MINDY3: variants seen among roughly 807,000 people sequenced by gnomAD.
The protein encoded by MINDY3 is ubiquitin carboxyl-terminal hydrolase MINDY-3.
In MINDY3, 38 loss-of-function variants were observed where a neutral mutation model predicts 69.2. The observed-to-expected ratio is 0.55, with a 90% CI of 0.42 to 0.72. The LOEUF (loss-of-function observed/expected upper bound fraction) is 0.72. Among genes scored for constraint, MINDY3 ranks in the 30% least tolerant of loss-of-function variants. The pLI is 0.00. For missense variants in MINDY3, 522 were observed against 519.0 expected, an observed-to-expected ratio of 1.01 and a Z score of -0.06; for synonymous variants, 192 against 180.1, an observed-to-expected ratio of 1.07 and a Z score of -0.53.
chr10:15,779,713 C>T (rs1216655007), intron 14 of MINDY3, among the ~76,000 whole-genome samples: 1 of 151,832 alleles, frequency 6.6e-6, no homozygotes, highest in African/African-American at 2.4e-5. Flanking sequence ...GCATTCTGTA[C>T]AGCATGAAAA....
rs1427523825 is a variant in MINDY3, at chr10:15,842,821, T to C, written c.235+391A>G. On this transcript the variant is annotated intron_variant, in intron 3 of 14. Coordinates refer to ENST00000277632, the MANE Select transcript of MINDY3 (RefSeq NM_024948.4). ...ATTTCATCCAAAATTATTTGCAGTA[T>C]TTGCATTGTGTAAGGCATTATACTA... Among the ~76,000 whole-genome samples the C allele has an allele frequency of 2.6e-5, 4 of 151,544 alleles. No individual in the cohort carries two copies. The East Asian group carries it at 7.7e-4, about 29-fold the overall frequency.
intron 8 of MINDY3, among the ~76,000 whole-genome samples, chr10:15,823,405 T>A (rs1457410171): frequency 6.6e-6 from 1 of 152,308 alleles, no homozygotes; most frequent in African/African-American, 2.4e-5. Context: ...TGATCTGTTA[T>A]ATTGTATCAG....
chr10:15,801,676 A>G (rs555438996), intron 10 of MINDY3, among the ~76,000 whole-genome samples: 1 of 152,204 alleles, frequency 6.6e-6, no homozygotes, highest in South Asian at 2.1e-4. Context: ...TATTAAAGAG[A>G]ACCGCAACAG....
chr10:15,837,399 T>C (rs1833163659), intron 5 of MINDY3, 81 bp from the exon 6 acceptor site: 10 of 1,262,450 alleles, frequency 7.9e-6, no homozygotes, highest in Non-Finnish European at 1.1e-6. Flanking sequence ...TAAATTTTCT[T>C]ATACATTAAA....
chr10:15,816,539 T>C lies in MINDY3; in HGVS notation c.882+296A>G, dbSNP rs536643010. Among the ~76,000 whole-genome samples, 26 of 152,004 alleles carry C rather than the reference T, an allele frequency of 1.7e-4. No individual in the cohort carries two copies. In the South Asian group the frequency reaches 3.9e-3, roughly 23 times the overall value. On this transcript the variant is annotated intron_variant, in intron 10 of 14. Coordinates refer to ENST00000277632, the MANE Select transcript of MINDY3 (RefSeq NM_024948.4). ...ACTTACAAAAAAAGCAATCTAAAAC[T>C]TTAAAATTCAATTGTTTTCTCTATA... is the stretch of plus-strand genomic sequence containing the variant.
chr10:15,848,527 G>T (rs747704806), intron 1 of MINDY3, among the ~76,000 whole-genome samples: 1 of 150,960 alleles, frequency 6.6e-6, no homozygotes, highest in Non-Finnish European at 1.5e-5. Flanking sequence ...CCAGCTACTC[G>T]GGAGGCTGAG....
intron 9 of MINDY3, among the ~76,000 whole-genome samples, chr10:15,820,182 C>G (rs531170499): frequency 1.4e-4 from 22 of 152,248 alleles, no homozygotes; most frequent in South Asian, 6.2e-4. Context: ...CTCTGAGGTA[C>G]GATCTGCAGT....
chr10:15,832,636 C>T (rs899795884), intron 8 of MINDY3, among the ~76,000 whole-genome samples: 1 of 152,138 alleles, frequency 6.6e-6, no homozygotes, highest in African/African-American at 2.4e-5. Context: ...AACCTCACCA[C>T]TAAGTAAATA....
At chr10:15,849,114 G>T (rs937123722) in intron 1 of MINDY3, among the ~76,000 whole-genome samples, 3 of 152,196 alleles carry the variant, frequency 2.0e-5, no homozygotes, top group Non-Finnish European at 4.4e-5. Flanking sequence ...AGAATGCAGA[G>T]TATTGTGGAT....
intron 14 of MINDY3, among the ~76,000 whole-genome samples, chr10:15,779,795 T>TA (rs747984425): frequency 5.9e-5 from 9 of 152,188 alleles, no homozygotes; most frequent in East Asian, 3.8e-4. Flanking sequence ...AAGATCAAAC[T>TA]AACCAGATAC....
intron 2 of MINDY3, 143 bp downstream of exon 2, chr10:15,847,721 T>C: frequency 1.9e-6 from 1 of 524,882 alleles, no homozygotes; most frequent in Non-Finnish European, 3.5e-6. Flanking sequence ...TTTTGGATAT[T>C]TATTGTAATT....
intron 8 of MINDY3, among the ~76,000 whole-genome samples, chr10:15,826,013 C>A (rs10904631): frequency 0.16 from 23,589 of 151,846 alleles, 2,309 homozygotes; most frequent in South Asian, 0.25. Flanking sequence ...AAATAATGTA[C>A]AAATACTGAA....
chr10:15,829,343 A>T (rs116299588), intron 8 of MINDY3, among the ~76,000 whole-genome samples: 1 of 152,140 alleles, frequency 6.6e-6, no homozygotes, highest in Non-Finnish European at 1.5e-5. Flanking sequence ...TGACTACACA[A>T]TATCACTTGC....
In MINDY3 at chr10:15,778,505, T is replaced by C. The variant is rs1026336188; in HGVS notation, c.*487A>G. The C allele has an allele frequency of 6.6e-6, 1 of 152,458 alleles. No individual in the cohort carries two copies. The highest frequency in any genetic ancestry group is 1.5e-5 in the Non-Finnish European group (1 of 68,234). 9.4% of individuals were successfully genotyped at this position (152,458 alleles called of 1,614,324 possible). A position where few individuals can be genotyped will look rare whatever the true frequency, so the allele number is the denominator to read the frequency against. On this transcript the variant is annotated 3_prime_UTR_variant, in exon 15 of 15. Transcript: ENST00000277632. Reference sequence around the variant, plus strand: ...ATTGTCAAAGGATCCAGGTTGACAATGTGTTATTTGTCAATATTTCTAATG... The same window carrying C: ...ATTGTCAAAGGATCCAGGTTGACAACGTGTTATTTGTCAATATTTCTAATG...
intron 1 of MINDY3, among the ~76,000 whole-genome samples, chr10:15,851,629 A>G (rs1834306325): frequency 6.6e-6 from 1 of 151,982 alleles, no homozygotes; most frequent in African/African-American, 2.4e-5. Flanking sequence ...TCCCATCTCC[A>G]GTCCACCCTA....
chr10:15,834,777 T>C (rs1046090967), intron 6 of MINDY3, among the ~76,000 whole-genome samples, 161 bp from the exon 7 acceptor site: 9 of 152,116 alleles, frequency 5.9e-5, no homozygotes, highest in Non-Finnish European at 8.8e-5. Context: ...TGAGATAACT[T>C]TAAAAAATAG....
intron 1 of MINDY3, among the ~76,000 whole-genome samples, chr10:15,858,914 T>C (rs1368827533): frequency 6.6e-6 from 1 of 152,052 alleles, no homozygotes; most frequent in Non-Finnish European, 1.5e-5. Flanking sequence ...CAAGATTAGG[T>C]AACTGACATA....
intron 10 of MINDY3, among the ~76,000 whole-genome samples, chr10:15,812,588 C>A (rs866613055): frequency 3.9e-5 from 6 of 152,290 alleles, no homozygotes; most frequent in African/African-American, 1.2e-4. Context: ...TAAGCAGTTT[C>A]TACGTGGTGC....
intron 1 of MINDY3, among the ~76,000 whole-genome samples, chr10:15,857,680 A>G (rs904922690): frequency 6.6e-6 from 1 of 152,190 alleles, no homozygotes; most frequent in East Asian, 1.9e-4. Context: ...CTGCCCAAAA[A>G]AAGAAGAAGA....
Sources: gnomAD v4.1 joint callset for allele counts (sites outside exome capture counted in the v4.1 genomes callset) on GRCh38, gnomAD v4.1.1 for gene constraint, MANE v1.5 for transcripts, NCBI Gene and HGNC (gene_info 2026-07-23, HGNC 2026-07-21) for gene names.